ALK: variants seen among roughly 807,000 people sequenced by gnomAD.
ALK encodes ALK receptor tyrosine kinase, also known as ALK tyrosine kinase receptor.
Under a neutral mutation model 163.1 loss-of-function variants are expected in ALK, and 74 were observed. The ratio of observed to expected loss-of-function variants is 0.45; its 90% CI spans 0.38 to 0.55. ALK has a LOEUF of 0.55. Among genes scored for constraint, ALK ranks in the 20% least tolerant of loss-of-function variants. The pLI is 0.00. For synonymous variants in ALK, 960 were observed against 843.2 expected, an observed-to-expected ratio of 1.14 and a Z score of -2.40; for missense variants, 2,063 against 2,105.3, an observed-to-expected ratio of 0.98 and a Z score of 0.39.
intron 11 of ALK, among the ~76,000 whole-genome samples, chr2:29,269,873 GA>G (rs1203586773): frequency 1.3e-5 from 2 of 152,204 alleles, no homozygotes; most frequent in Admixed American, 1.3e-4. Flanking sequence ...GAGCATGGAG[GA>G]ATGCCAATTA....
chr2:29,817,859 G>A (rs1322793667), intron 1 of ALK, among the ~76,000 whole-genome samples: 1 of 152,184 alleles, frequency 6.6e-6, no homozygotes, highest in African/African-American at 2.4e-5. Flanking sequence ...TTGGGCCAGG[G>A]AACTAGAGGA....
At chr2:29,317,582 C>T (rs1242267446) in intron 8 of ALK, among the ~76,000 whole-genome samples, 1 of 152,194 alleles carries the variant, frequency 6.6e-6, no homozygotes, top group African/African-American at 2.4e-5. Context: ...CCTCACTCTT[C>T]AGGATAGGCA....
intron 1 of ALK, among the ~76,000 whole-genome samples, chr2:29,791,079 A>C (rs1011438451): frequency 6.6e-6 from 1 of 152,152 alleles, no homozygotes; most frequent in African/African-American, 2.4e-5. Context: ...CATGTGAAAA[A>C]CACCTAACAA....
At chr2:29,907,568 T>G (rs1350047622) in intron 1 of ALK, among the ~76,000 whole-genome samples, 1 of 152,184 alleles carries the variant, frequency 6.6e-6, no homozygotes, top group Non-Finnish European at 1.5e-5. Flanking sequence ...AGGCCTCTGT[T>G]CCTTCTTGTA....
At chr2:29,669,204 T>C (rs1677608723) in intron 3 of ALK, among the ~76,000 whole-genome samples, 1 of 152,086 alleles carries the variant, frequency 6.6e-6, no homozygotes, top group Admixed American at 6.6e-5. Context: ...TGTTAAAGTC[T>C]CTTACTATTA....
At chr2:29,542,308 T>A (rs1026885935) in intron 3 of ALK, among the ~76,000 whole-genome samples, 3 of 152,186 alleles carry the variant, frequency 2.0e-5, no homozygotes, top group Admixed American at 1.3e-4. Context: ...CACATCCATA[T>A]ACTCCTTGAA....
At chr2:29,278,917 A>G (rs1665614226) in intron 9 of ALK, among the ~76,000 whole-genome samples, 1 of 152,078 alleles carries the variant, frequency 6.6e-6, no homozygotes, top group African/African-American at 2.4e-5. Context: ...GCTGAGCTAT[A>G]TGAGGGGTGT....
chr2:29,325,219 A>G (rs1667216651), intron 6 of ALK, among the ~76,000 whole-genome samples: 2 of 152,146 alleles, frequency 1.3e-5, no homozygotes. Context: ...GCCATTCCTA[A>G]CAGAGCTGCA....
intron 13 of ALK, among the ~76,000 whole-genome samples, chr2:29,238,517 G>C (rs762645871): frequency 1.3e-5 from 2 of 152,148 alleles, no homozygotes; most frequent in Non-Finnish European, 2.9e-5. Context: ...AATTCTTAGA[G>C]TCCACTTCAT....
At chr2:29,477,908 A>T (rs965538366) in intron 4 of ALK, among the ~76,000 whole-genome samples, 2 of 152,230 alleles carry the variant, frequency 1.3e-5, no homozygotes, top group Non-Finnish European at 2.9e-5. Context: ...GCTGTGTAGG[A>T]GCCTATAGGC....
chr2:29,798,232 G>T lies in ALK; in HGVS notation c.668-80535C>A, dbSNP rs142645769. ...GTGGCCAAAGCCTCTCTTTGTGTGT[G>T]TGAGAGAGGGAGTCTTTTGGATGCT... is the stretch of plus-strand genomic sequence containing the variant. On this transcript the variant is annotated intron_variant, in intron 1 of 28. Transcript: ENST00000389048. Among the ~76,000 whole-genome samples, 1,051 of 152,356 alleles carry T rather than the reference G, an allele frequency of 6.9e-3. 6 individuals are homozygous for T. The highest frequency in any genetic ancestry group is 0.01 in the Non-Finnish European group (695 of 68,034).
chr2:29,333,259 G>A (rs533071698), intron 5 of ALK, among the ~76,000 whole-genome samples: 49 of 152,284 alleles, frequency 3.2e-4, no homozygotes, highest in Non-Finnish European at 1.3e-4. Flanking sequence ...GGGATTACAG[G>A]TGCCTGCCAC....
chr2:29,733,158 A>G (rs1016999327), intron 1 of ALK, among the ~76,000 whole-genome samples: 1 of 152,174 alleles, frequency 6.6e-6, no homozygotes, highest in Non-Finnish European at 1.5e-5. Context: ...CTCTCCCTGA[A>G]AGCGGGGCAC....
chr2:29,906,859 G>C (rs1393912665), intron 1 of ALK, among the ~76,000 whole-genome samples: 5 of 149,084 alleles, frequency 3.4e-5, no homozygotes, highest in Non-Finnish European at 3.0e-5. Context: ...TTTCCCAACA[G>C]ACTTGTCCAA....
chr2:29,406,223 C>T (rs971100867), intron 4 of ALK, among the ~76,000 whole-genome samples: 11 of 152,270 alleles, frequency 7.2e-5, no homozygotes, highest in Middle Eastern at 6.8e-3. Context: ...AAGTCTGGGG[C>T]GGCCTCTATA....
intron 1 of ALK, among the ~76,000 whole-genome samples, chr2:29,786,259 C>T (rs933074074): frequency 1.3e-5 from 2 of 152,050 alleles, no homozygotes; most frequent in Non-Finnish European, 2.9e-5. Context: ...TCTATAGAAC[C>T]CGAGAAGGAT....
chr2:29,902,268 A>G (rs901396435), intron 1 of ALK, among the ~76,000 whole-genome samples: 6 of 152,188 alleles, frequency 3.9e-5, no homozygotes, highest in African/African-American at 1.4e-4. Context: ...ATGACCCATT[A>G]TTATTCTAAT....
chr2:29,401,321 G>A (rs1279556732), intron 4 of ALK, among the ~76,000 whole-genome samples: 1 of 152,142 alleles, frequency 6.6e-6, no homozygotes, highest in African/African-American at 2.4e-5. Context: ...AACCCCCTCA[G>A]GTAGTGTCTG....
intron 16 of ALK, 95 bp downstream of exon 16, chr2:29,228,789 A>G: frequency 1.2e-6 from 1 of 822,072 alleles, no homozygotes; most frequent in Non-Finnish European, 2.1e-6. Flanking sequence ...ACACTTGGGC[A>G]GGCCAGGGGA....
Sources: gnomAD v4.1 joint callset for allele counts (sites outside exome capture counted in the v4.1 genomes callset) on GRCh38, gnomAD v4.1.1 for gene constraint, MANE v1.5 for transcripts, NCBI Gene and HGNC (gene_info 2026-07-23, HGNC 2026-07-21) for gene names.